EPS15: variants seen among roughly 807,000 people sequenced by gnomAD.
EPS15 encodes epidermal growth factor receptor pathway substrate 15.
EPS15 carries 72 observed loss-of-function variants against 113.8 expected under a neutral mutation model. The observed-to-expected ratio is 0.63, with a 90% CI of 0.52 to 0.77. The LOEUF (loss-of-function observed/expected upper bound fraction) is 0.77, where lower values mean the gene tolerates loss of function less well. Ranked by LOEUF, EPS15 falls within the 30% of genes least tolerant of loss-of-function variation. The pLI, the probability that EPS15 is intolerant of heterozygous loss-of-function variation, is 0.00. For missense variants in EPS15, 1,048 were observed against 1,045.8 expected, an observed-to-expected ratio of 1.00 and a Z score of -0.03; for synonymous variants, 344 against 363.4, an observed-to-expected ratio of 0.95 and a Z score of 0.61.
intron 21 of EPS15, among the ~76,000 whole-genome samples, chr1:51,381,140 C>A (rs973294306): frequency 6.7e-6 from 1 of 149,150 alleles, no homozygotes; most frequent in African/African-American, 2.5e-5. Context: ...TTGAACAACA[C>A]TTTAGATCAA....
intron 21 of EPS15, among the ~76,000 whole-genome samples, chr1:51,388,118 G>C (rs1266299417): frequency 1.3e-5 from 2 of 152,090 alleles, no homozygotes; most frequent in Non-Finnish European, 2.9e-5. Flanking sequence ...ATAACAAACT[G>C]TCTCTCAGAC....
intron 13 of EPS15, among the ~76,000 whole-genome samples, chr1:51,410,901 CTT>C (rs953840181): frequency 1.3e-5 from 2 of 152,136 alleles, no homozygotes; most frequent in African/African-American, 4.8e-5. Flanking sequence ...AATATACTAA[CTT>C]ATTTATAGTC....
chr1:51,470,735 C>T (rs1382382132), intron 4 of EPS15, among the ~76,000 whole-genome samples: 1 of 150,830 alleles, frequency 6.6e-6, no homozygotes, highest in Non-Finnish European at 1.5e-5. Context: ...CCTGGAAGTA[C>T]TAAGGCAACT....
At chr1:51,386,871 T>C (rs1399214593) in intron 21 of EPS15, among the ~76,000 whole-genome samples, 4 of 152,084 alleles carry the variant, frequency 2.6e-5, no homozygotes, top group African/African-American at 4.8e-5. Flanking sequence ...ACAGGGAGAA[T>C]GGAACCAAGT....
rs1384826780 is a variant in EPS15, at chr1:51,431,013, CACACACACACACACAA to C, written c.1041-9171_1041-9156del. Among the ~76,000 whole-genome samples, 151 of 137,842 alleles carry C rather than the reference CACACACACACACACAA, an allele frequency of 1.1e-3. 1 individual carries two copies. Among genetic ancestry groups the C allele is most frequent in the Middle Eastern group, 7.5e-3 (2 of 266 alleles). 90.4% of individuals were successfully genotyped at this position (137,842 alleles called of 152,430 possible). A position where few individuals can be genotyped will look rare whatever the true frequency, so the allele number is the denominator to read the frequency against. ...ACACACACACACACACACACACACA[CACACACACACACACAA>C]AAATAAAACTTGCCTTAATTATATA... On this transcript the variant is annotated intron_variant, in intron 12 of 24. Coordinates refer to ENST00000371733, the MANE Select transcript of EPS15 (RefSeq NM_001981.3).
At chr1:51,403,384 C>A (rs768296551) in intron 17 of EPS15, 35 bp downstream of exon 17, 3 of 1,178,236 alleles carry the variant, frequency 2.5e-6, no homozygotes, top group Non-Finnish European at 3.8e-6. Context: ...TCCACCCTTA[C>A]AAGTCCCCAA....
chr1:51,518,263 A>C (rs1644762932), intron 1 of EPS15: 2 of 152,420 alleles, frequency 1.3e-5, no homozygotes, highest in Non-Finnish European at 2.9e-5. Flanking sequence ...TGATGTTTAG[A>C]GGTTTTCTGA....
chr1:51,503,788 T>C (rs1479744881), intron 1 of EPS15, among the ~76,000 whole-genome samples: 1 of 152,184 alleles, frequency 6.6e-6, no homozygotes, highest in African/African-American at 2.4e-5. Flanking sequence ...AAATCATACA[T>C]CTATGGTTAA....
chr1:51,482,697 C>T (rs957023890), intron 1 of EPS15, among the ~76,000 whole-genome samples: 2 of 152,194 alleles, frequency 1.3e-5, no homozygotes, highest in East Asian at 3.9e-4. Flanking sequence ...AACTCCTGAT[C>T]TCAAGTGATC....
At chr1:51,378,607 G>A (rs1646859167) in intron 21 of EPS15, among the ~76,000 whole-genome samples, 2 of 152,196 alleles carry the variant, frequency 1.3e-5, no homozygotes, top group South Asian at 4.1e-4. Context: ...TGCATTCTCA[G>A]AGTAGTTGAC....
At chr1:51,425,941 T>C (rs1002163431) in intron 12 of EPS15, among the ~76,000 whole-genome samples, 2 of 152,222 alleles carry the variant, frequency 1.3e-5, no homozygotes, top group African/African-American at 2.4e-5. Flanking sequence ...TGATCTAATA[T>C]AGTTACAGAA....
rs115067666 is a variant in EPS15, at chr1:51,424,378, T to C, written c.1041-2520A>G. On this transcript the variant is annotated intron_variant, in intron 12 of 24. Transcript: ENST00000371733. ...AAAAATATCTAAACATATCTTTGTGTGCACTTAGGATACTTGACCATATTT... is the reference window on the plus strand; with the variant it reads ...AAAAATATCTAAACATATCTTTGTGCGCACTTAGGATACTTGACCATATTT... Among the ~76,000 whole-genome samples the C allele has an allele frequency of 1.5e-3, 233 of 152,322 alleles. 1 individual carries two copies. The highest frequency in any genetic ancestry group is 5.3e-3 in the African/African-American group (221 of 41,576).
chr1:51,388,180 T>G (rs531777452), intron 21 of EPS15, among the ~76,000 whole-genome samples: 1 of 152,156 alleles, frequency 6.6e-6, no homozygotes, highest in East Asian at 1.9e-4. Flanking sequence ...TCAAAACCAC[T>G]CAACTACATG....
At chr1:51,440,499 A>C (rs1652512747) in intron 11 of EPS15, 67 bp from the exon 12 acceptor site, 2 of 663,990 alleles carry the variant, frequency 3.0e-6, no homozygotes, top group African/African-American at 1.8e-5. Context: ...AAACACTAAA[A>C]ATATTAAAGC....
chr1:51,370,234 C>T lies in EPS15; in HGVS notation c.2120-4205G>A, dbSNP rs534698251. Among the ~76,000 whole-genome samples, 11 of 152,276 alleles carry T rather than the reference C, an allele frequency of 7.2e-5. No homozygotes were observed. The South Asian group carries it at 2.3e-3, about 32-fold the overall frequency. On this transcript the variant is annotated intron_variant, in intron 21 of 24. Coordinates refer to ENST00000371733, the MANE Select transcript of EPS15 (RefSeq NM_001981.3). The stretch of plus-strand genomic sequence containing the variant: ...TGTGGTGATGTTGGTGTAAACAAAC[C>T]TACTGTGTTGCCAGTCGTATCAAAG...
chr1:51,469,086 G>C (rs6666503), intron 4 of EPS15, among the ~76,000 whole-genome samples: 45,526 of 151,942 alleles, frequency 0.3, 9,157 homozygotes, highest in African/African-American at 0.57. Flanking sequence ...GCCGAGATCG[G>C]GCTACTGCGC....
chr1:51,457,102 A>G (rs183345174), intron 8 of EPS15, among the ~76,000 whole-genome samples: 4,570 of 152,030 alleles, frequency 0.03, 75 homozygotes, highest in African/African-American at 0.05. Flanking sequence ...TGGCAAACAC[A>G]GTGAAACCCC....
chr1:51,450,704 G>A (rs1168993514), intron 8 of EPS15, among the ~76,000 whole-genome samples: 3 of 151,530 alleles, frequency 2.0e-5, no homozygotes, highest in Non-Finnish European at 4.4e-5. Context: ...TTTCCCCTTC[G>A]GCTCTGCAAT....
Position 51,465,171 on chromosome 1 carries a change from C to G in EPS15, c.375+90G>C. Reference sequence around the variant, plus strand: ...CCTTTCCCTAAACATGTATGAAAGTCTAATGAAGATAGCAATATATTTCAG... The same window carrying G: ...CCTTTCCCTAAACATGTATGAAAGTGTAATGAAGATAGCAATATATTTCAG... On this transcript the variant is annotated intron_variant, in intron 6 of 24. Transcript: ENST00000371733. The G allele has an allele frequency of 5.2e-6, 4 of 765,604 alleles. No homozygotes were observed. The South Asian group carries it at 7.7e-5, about 15-fold the overall frequency. 47.4% of individuals were successfully genotyped at this position (765,604 alleles called of 1,614,324 possible).
Sources: allele counts gnomAD v4.1 joint callset (sites outside exome capture counted in the v4.1 genomes callset), GRCh38; gene constraint gnomAD v4.1.1; transcripts MANE v1.5; gene names NCBI Gene and HGNC (gene_info 2026-07-23, HGNC 2026-07-21).